The following ZDHHC16 variants were observed in gnomAD, a reference collection of about 807,000 sequenced individuals.
ZDHHC16 encodes zDHHC palmitoyltransferase 16, also known as palmitoyltransferase ZDHHC16.
Under a neutral mutation model 54.4 loss-of-function variants are expected in ZDHHC16, and 33 were observed. That is an observed-to-expected ratio of 0.61 (90% CI 0.46 to 0.81). The LOEUF (loss-of-function observed/expected upper bound fraction) is 0.81. ZDHHC16 is among the 30% of genes least tolerant of loss of function. ZDHHC16 has a pLI of 0.00. For missense variants in ZDHHC16, 420 were observed against 485.9 expected (o/e 0.86, Z 1.28); for synonymous variants, 185 against 182.1 (o/e 1.02, Z -0.13).
chr10:97,455,014 C>G (rs1476079430), intron 9 of ZDHHC16, among the ~76,000 whole-genome samples: 1 of 152,176 alleles, frequency 6.6e-6, no homozygotes, highest in Non-Finnish European at 1.5e-5. Flanking sequence ...CAAGTATGTG[C>G]TTGATATGTA....
Position 97,452,275 on chromosome 10 carries a change from C to T in ZDHHC16, c.429C>T (p.Tyr143=). 6.2e-7 allele frequency: 1 copy of T among 1,614,076 alleles called. No individual in the cohort carries two copies. Among genetic ancestry groups the T allele is most frequent in the Non-Finnish European group, 8.5e-7 (1 of 1,180,014 alleles). Reference sequence around the variant, plus strand: ...AGGCCATCACCACTCCGCCTGGGTACCCACCCCAGGTGGGTCCTCACAGGA... The same window carrying T: ...AGGCCATCACCACTCCGCCTGGGTATCCACCCCAGGTGGGTCCTCACAGGA... ...YYQAITTPPG[Y]PPQGRNDIAT... is the part of the protein sequence containing the mutation. Residue 143 remains tyrosine (Y), a synonymous_variant, in exon 4 of 12, where the codon TAC becomes TAT. Coordinates refer to ENST00000393760, the MANE Select transcript of ZDHHC16 (RefSeq NM_198046.3).
Position 97,457,151 on chromosome 10 carries a change from T to G in ZDHHC16, c.*260T>G. 1 of 252,056 alleles carries G rather than the reference T, an allele frequency of 4.0e-6. No homozygotes were observed. The highest frequency in any genetic ancestry group is 7.7e-6 in the Non-Finnish European group (1 of 129,388). 15.6% of individuals were successfully genotyped at this position (252,056 alleles called of 1,614,324 possible). ...CCAGACTAGGGGTCAGGCAGCTAGC[T>G]ACCTACCTTGCCCAGTGCTGACCCG... On this transcript the variant is annotated 3_prime_UTR_variant, in exon 12 of 12. Coordinates refer to ENST00000393760, the MANE Select transcript of ZDHHC16 (RefSeq NM_198046.3).
At position 97,455,727 on chromosome 10, in the gene ZDHHC16, A is replaced by G. The variant is rs369569507; in HGVS notation, c.892A>G (p.Ser298Gly). 1 of 1,614,176 alleles carries G rather than the reference A, an allele frequency of 6.2e-7. No individual in the cohort carries two copies. Among genetic ancestry groups the G allele is most frequent in the Non-Finnish European group, 8.5e-7 (1 of 1,180,024 alleles). ...HAVLISRGET[S>G]IERHINKKER... is the part of the protein sequence containing the mutation. ...TGTTCTCATCAGTCGAGGTGAGACT[A>G]GCATCGAAAGGCACATCAACAAGAA... is the stretch of plus-strand genomic sequence containing the variant. Residue 298 changes from serine to glycine, a missense_variant, in exon 10 of 12, where the codon AGC becomes GGC. Coordinates refer to ENST00000393760, the MANE Select transcript of ZDHHC16 (RefSeq NM_198046.3).
intron 1 of ZDHHC16, among the ~76,000 whole-genome samples, chr10:97,446,555 C>A (rs996259269): frequency 1.3e-5 from 2 of 152,204 alleles, no homozygotes; most frequent in South Asian, 4.1e-4. Flanking sequence ...CGACCCAACT[C>A]GTCTGTTTCA....
intron 1 of ZDHHC16, chr10:97,448,166 T>G (rs571455163): frequency 2.5e-4 from 38 of 152,340 alleles, no homozygotes; most frequent in African/African-American, 8.9e-4. Context: ...AATAACAGTT[T>G]GTATTTCTCT....
chr10:97,451,484 T>C (rs1054197735), intron 2 of ZDHHC16, among the ~76,000 whole-genome samples, 187 bp from the exon 3 acceptor site: 3 of 152,244 alleles, frequency 2.0e-5, no homozygotes, highest in Non-Finnish European at 4.4e-5. Flanking sequence ...TTAATCTGGT[T>C]GGAACATTGG....
intron 8 of ZDHHC16, 144 bp downstream of exon 8, chr10:97,453,990 T>C (rs1846916634): frequency 3.6e-6 from 4 of 1,115,270 alleles, no homozygotes; most frequent in Middle Eastern, 3.0e-4. Context: ...TCAGGCAGGC[T>C]GGCTGTGGTG....
rs2029900474 is a variant in ZDHHC16 at position 97,457,226 on chromosome 10, G to C, written c.*335G>C. ...GAGTTGGCCACCACCTCTTCTACTT[G>C]CTGTCTGAAAAAACACCTGACTAGT... is the stretch of plus-strand genomic sequence containing the variant. On this transcript the variant is annotated 3_prime_UTR_variant, in exon 12 of 12. Transcript: ENST00000393760. 1 of 170,460 alleles carries C rather than the reference G, an allele frequency of 5.9e-6. No individual in the cohort carries two copies. The highest frequency in any genetic ancestry group is 6.1e-5 in the Admixed American group (1 of 16,314). The allele number at this position is 170,460 out of a possible 1,614,324, so 10.6% of individuals were successfully genotyped here.
Position 97,452,890 on chromosome 10 carries a change from C to T in ZDHHC16, c.528-5C>T, listed in dbSNP as rs1177965213. 1.2e-6 allele frequency: 2 copies of T among 1,614,212 alleles called. No homozygotes were observed. The highest frequency in any genetic ancestry group is 1.7e-6 in the Non-Finnish European group (2 of 1,180,042). On this transcript the variant is annotated splice_region_variant and splice_polypyrimidine_tract_variant and intron_variant, in intron 5 of 11. Transcript: ENST00000393760. Reference sequence around the variant, plus strand: ...CGTAACAGAGCCTGTGTCCCTTCCTCACAGGTGTGTGCTGAAGATGGATCA... The same window carrying T: ...CGTAACAGAGCCTGTGTCCCTTCCTTACAGGTGTGTGCTGAAGATGGATCA...
At chr10:97,448,247 G>C (rs1050252965) in intron 1 of ZDHHC16, 8 of 152,240 alleles carry the variant, frequency 5.3e-5, no homozygotes, top group Admixed American at 2.6e-4. Context: ...GAGTGTCCTT[G>C]CTGGTATTTG....
rs769687239 is a variant in ZDHHC16, at chr10:97,451,675, C to T, written c.-1C>T. 3.7e-6 allele frequency: 6 copies of T among 1,608,374 alleles called. No individual in the cohort carries two copies. Among genetic ancestry groups the T allele is most frequent in the Non-Finnish European group, 3.4e-6 (4 of 1,178,170 alleles). ...CACAATGGTGTGCTCTCGTAGGAAC[C>T]ATGCGAGGCCAGCGGAGCCTGCTGC... On this transcript the variant is annotated 5_prime_UTR_variant, in exon 3 of 12. Coordinates refer to ENST00000393760, the MANE Select transcript of ZDHHC16 (RefSeq NM_198046.3).
intron 11 of ZDHHC16, 105 bp downstream of exon 11, chr10:97,456,149 G>A (rs879095562): frequency 8.5e-6 from 10 of 1,178,106 alleles, no homozygotes; most frequent in Non-Finnish European, 1.2e-5. Context: ...TACTGTGTTA[G>A]CACAGTTCTA....
chr10:97,455,238 C>G (rs1847056591), intron 9 of ZDHHC16, among the ~76,000 whole-genome samples: 1 of 152,230 alleles, frequency 6.6e-6, no homozygotes, highest in Admixed American at 6.5e-5. Context: ...TTCCCACTAT[C>G]TCCCAAGCAT....
rs762450029 is a variant in ZDHHC16 at position 97,453,827 on chromosome 10, T to G, written c.719T>G (p.Leu240Arg). The change falls in exon 8 of 12, where the codon CTA becomes CGA. Residue 240 changes from leucine to arginine, a missense_variant. Physicochemically the swap from Leu to Arg is moderately radical, Grantham distance 102. Coordinates refer to ENST00000393760, the MANE Select transcript of ZDHHC16 (RefSeq NM_198046.3). The stretch of plus-strand genomic sequence containing the variant: ...ATGAAACAGCTCGACAAGAACAAAC[T>G]ACAGGCGGTTGCCAACCAGGTGGGC... ...EKMKQLDKNK[L>R]QAVANQTYHQ... The G allele has an allele frequency of 1.9e-6, 3 of 1,614,096 alleles. No individual in the cohort carries two copies. The highest frequency in any genetic ancestry group is 2.5e-6 in the Non-Finnish European group (3 of 1,180,050).
intron 1 of ZDHHC16, 78 bp downstream of exon 1, chr10:97,446,431 T>G (rs924563979): frequency 9.8e-5 from 21 of 214,074 alleles, no homozygotes; most frequent in Admixed American, 2.2e-4. Flanking sequence ...GGCCTTGTCT[T>G]GAGTGCGGGT....
chr10:97,455,259 G>A (rs1404827011), intron 9 of ZDHHC16, among the ~76,000 whole-genome samples: 6 of 152,120 alleles, frequency 3.9e-5, no homozygotes, highest in African/African-American at 1.2e-4. Context: ...GGGTATTTTA[G>A]GAAATATAGA....
At chr10:97,450,270 C>G (rs1209302271) in intron 1 of ZDHHC16, 87 bp from the exon 2 acceptor site, 1 of 152,364 alleles carries the variant, frequency 6.6e-6, no homozygotes, top group African/African-American at 2.4e-5. Context: ...CCTTCTCCTT[C>G]TCTGTGGACC....
Position 97,452,530 on chromosome 10 carries a change from A to G in ZDHHC16, c.527+27A>G, listed in dbSNP as rs371476347. On this transcript the variant is annotated intron_variant, in intron 5 of 11. Coordinates refer to ENST00000393760, the MANE Select transcript of ZDHHC16 (RefSeq NM_198046.3). ...TGGGTCTTGGCTTTGCTCTCTGGGA[A>G]TCCCAGCTGTGGTCCTTCTGTAGCC... is the stretch of plus-strand genomic sequence containing the variant. The G allele has an allele frequency of 7.9e-4, 1,275 of 1,608,266 alleles. 3 individuals carry two copies. Among genetic ancestry groups the G allele is most frequent in the South Asian group, 2.6e-3 (235 of 90,296 alleles).
At chr10:97,454,866 G>A (rs1441770653) in intron 9 of ZDHHC16, 67 bp downstream of exon 9, 13 of 1,400,684 alleles carry the variant, frequency 9.3e-6, no homozygotes, top group Admixed American at 6.8e-5. Flanking sequence ...GTGCCCACAC[G>A]CAGGCAGAAA....
Sources: allele counts gnomAD v4.1 joint callset (sites outside exome capture counted in the v4.1 genomes callset), GRCh38; gene constraint gnomAD v4.1.1; transcripts MANE v1.5; gene names NCBI Gene and HGNC (gene_info 2026-07-23, HGNC 2026-07-21).